The following FLACC1 variants were observed in gnomAD, a reference collection of about 807,000 sequenced individuals.
FLACC1 encodes the protein flagellum associated containing coiled-coil domains 1.
A neutral mutation model predicts 62.8 loss-of-function variants in FLACC1; 66 were observed. That is an observed-to-expected ratio of 1.05 (90% confidence interval 0.86 to 1.29). FLACC1 has a LOEUF of 1.29. Ranked by LOEUF, FLACC1 falls within the 50% of genes most tolerant of loss-of-function variation. The probability of loss-of-function intolerance (pLI) is 0.00; values close to 1 mark genes in which losing one functional copy is unlikely to be tolerated. For synonymous variants in FLACC1, 156 were observed against 161.0 expected, an observed-to-expected ratio of 0.97 and a Z score of 0.24; for missense variants, 452 against 489.1, an observed-to-expected ratio of 0.92 and a Z score of 0.71.
At chr2:201,292,666 C>T (rs1949763508) in intron 12 of FLACC1, among the ~76,000 whole-genome samples, 3 of 152,186 alleles carry the variant, frequency 2.0e-5, no homozygotes, top group Non-Finnish European at 4.4e-5. Context: ...ATCAAATTCA[C>T]ACATAACAAT....
chr2:201,334,313 G>T (rs980739758), intron 7 of FLACC1, among the ~76,000 whole-genome samples: 1 of 152,166 alleles, frequency 6.6e-6, no homozygotes, highest in Non-Finnish European at 1.5e-5. Flanking sequence ...CATCCCAGGG[G>T]ATCAGTCTCA....
At chr2:201,313,511 A>G (rs2125570092) in intron 9 of FLACC1, among the ~76,000 whole-genome samples, 1 of 152,220 alleles carries the variant, frequency 6.6e-6, no homozygotes, top group Non-Finnish European at 1.5e-5. Context: ...ACATAATTCC[A>G]TTTACCTGGG....
At position 201,309,224 on chromosome 2, in the gene FLACC1, C is replaced by T; in HGVS notation, c.702G>A (p.Glu234=). 1 of 1,613,908 alleles carries T rather than the reference C, an allele frequency of 6.2e-7. No individual in the cohort carries two copies. ...ATTTCGCCTTCTGTTTTGACCACTT[C>T]TCTTCCATTTCATCATAAATACTGT... The part of the protein sequence containing the change: ...YQDSIYDEME[E]KWSKQKAKWK... The change falls in exon 10 of 15, where the codon GAG becomes GAA. Residue 234 remains glutamate (E), a synonymous_variant. Coordinates refer to ENST00000392257, the MANE Select transcript of FLACC1 (RefSeq NM_001127391.3).
At chr2:201,347,364 G>C (rs575969502) in intron 4 of FLACC1, among the ~76,000 whole-genome samples, 5 of 152,060 alleles carry the variant, frequency 3.3e-5, no homozygotes, top group Admixed American at 6.5e-5. Context: ...CCTGCCTGAC[G>C]GCCCCAGGCC....
rs764506462 is a variant in FLACC1 at position 201,309,925 on chromosome 2, A to AAAAAAAAAAAAAAAAAAAAAAAAAAAG, written c.676-676_676-675insCTTTTTTTTTTTTTTTTTTTTTTTTTT. 1.6e-3 allele frequency among the ~76,000 whole-genome samples: 157 copies of AAAAAAAAAAAAAAAAAAAAAAAAAAAG among 99,364 alleles called. 29 individuals are homozygous for AAAAAAAAAAAAAAAAAAAAAAAAAAAG. Among genetic ancestry groups the AAAAAAAAAAAAAAAAAAAAAAAAAAAG allele is most frequent in the Middle Eastern group, 0.012 (2 of 166 alleles). The allele number at this position is 99,364 out of a possible 152,430, so 65.2% of individuals were successfully genotyped here. Reference sequence around the variant, plus strand: ...TGTCTCAAAAAAAAAAAAAAAAAAAAAAGAAGAAGAAAGGAAATACCTAGT... The same window carrying AAAAAAAAAAAAAAAAAAAAAAAAAAAG: ...TGTCTCAAAAAAAAAAAAAAAAAAAAAAAAAAAAAAAAAAAAAAAAAAAAAAGAAGAAGAAGAAAGGAAATACCTAGT... On this transcript the variant is annotated intron_variant, in intron 9 of 14. Transcript: ENST00000392257.
chr2:201,309,302 C>T, intron 9 of FLACC1, 52 bp from the exon 10 acceptor site: 1 of 1,384,218 alleles, frequency 7.2e-7, no homozygotes, highest in Non-Finnish European at 1.0e-6. Context: ...ATGAAGGTGA[C>T]CTGGAGAGGC....
At chr2:201,320,733 G>A (rs994938762) in intron 9 of FLACC1, among the ~76,000 whole-genome samples, 1 of 152,186 alleles carries the variant, frequency 6.6e-6, no homozygotes, top group Non-Finnish European at 1.5e-5. Flanking sequence ...CCCTCACCCT[G>A]CTTTGCCCCG....
At chr2:201,319,782 T>G (rs760547208) in intron 9 of FLACC1, among the ~76,000 whole-genome samples, 1 of 152,238 alleles carries the variant, frequency 6.6e-6, no homozygotes, top group Non-Finnish European at 1.5e-5. Flanking sequence ...GCTAGCATAC[T>G]TCTCCCACTT....
chr2:201,303,108 C>CAA (rs151059129), intron 11 of FLACC1, among the ~76,000 whole-genome samples: 1 of 151,054 alleles, frequency 6.6e-6, no homozygotes, highest in East Asian at 1.9e-4. Flanking sequence ...GATAGAGACA[C>CAA]AAAAACCCTT....
rs762241522 is a variant in FLACC1 at position 201,289,584 on chromosome 2, T to C, written c.1033-18A>G. 5 of 1,613,682 alleles carry C rather than the reference T, an allele frequency of 3.1e-6. No individual in the cohort carries two copies. Among genetic ancestry groups the C allele is most frequent in the African/African-American group, 1.3e-5 (1 of 74,910 alleles). ...ATAGCTTTCTGAAAGACATACATTT[T>C]AATAGCCATCTTCCCCAACCCAGAG... On this transcript the variant is annotated intron_variant, in intron 13 of 14. Transcript: ENST00000392257.
intron 6 of FLACC1, among the ~76,000 whole-genome samples, chr2:201,343,169 C>A (rs1208181950): frequency 6.6e-6 from 1 of 152,222 alleles, no homozygotes; most frequent in East Asian, 1.9e-4. Flanking sequence ...CAGGGCCACA[C>A]AACAAATAGC....
intron 9 of FLACC1, among the ~76,000 whole-genome samples, chr2:201,327,063 T>C (rs1212959055): frequency 2.0e-5 from 3 of 151,836 alleles, no homozygotes; most frequent in Non-Finnish European, 1.5e-5. Context: ...AACAAAAACA[T>C]AAATTGGGGA....
intron 12 of FLACC1, among the ~76,000 whole-genome samples, chr2:201,297,195 C>T (rs1346153368): frequency 2.6e-5 from 4 of 152,110 alleles, no homozygotes; most frequent in African/African-American, 9.7e-5. Flanking sequence ...GTCTGTATGT[C>T]ACCTATGTTG....
intron 9 of FLACC1, among the ~76,000 whole-genome samples, chr2:201,314,052 G>C (rs1950265851): frequency 6.6e-6 from 1 of 152,178 alleles, no homozygotes; most frequent in East Asian, 1.9e-4. Context: ...TAGGACAAAA[G>C]AATCTGAACA....
At chr2:201,340,725 A>T (rs753781472) in intron 7 of FLACC1, among the ~76,000 whole-genome samples, 1 of 152,150 alleles carries the variant, frequency 6.6e-6, no homozygotes, top group Non-Finnish European at 1.5e-5. Context: ...TTGTGCATTC[A>T]TATGTTTCAT....
At chr2:201,334,483 C>T (rs1366254635) in intron 7 of FLACC1, among the ~76,000 whole-genome samples, 1 of 152,104 alleles carries the variant, frequency 6.6e-6, no homozygotes, top group African/African-American at 2.4e-5. Context: ...ATCCTGGCCT[C>T]ATAAAAATAG....
chr2:201,306,542 C>G (rs1950111187), intron 11 of FLACC1, among the ~76,000 whole-genome samples: 1 of 152,012 alleles, frequency 6.6e-6, no homozygotes, highest in Admixed American at 6.6e-5. Flanking sequence ...AAAAATTATT[C>G]AAAATAGATC....
At chr2:201,324,922 G>A (rs559320640) in intron 9 of FLACC1, among the ~76,000 whole-genome samples, 22 of 152,260 alleles carry the variant, frequency 1.4e-4, no homozygotes, top group African/African-American at 4.1e-4. Context: ...GAGGCCAGGA[G>A]TTTGAGACCA....
chr2:201,294,583 C>T (rs1440498280), intron 12 of FLACC1, among the ~76,000 whole-genome samples: 14 of 152,190 alleles, frequency 9.2e-5, no homozygotes, highest in Admixed American at 6.5e-4. Context: ...TGGGCAAAAA[C>T]TGGAAGCATT....
Sources: allele counts gnomAD v4.1 joint callset (sites outside exome capture counted in the v4.1 genomes callset), GRCh38; gene constraint gnomAD v4.1.1; transcripts MANE v1.5; gene names NCBI Gene and HGNC (gene_info 2026-07-23, HGNC 2026-07-21).